The following SH3PXD2B variants were observed in gnomAD, a reference collection of about 807,000 sequenced individuals.
SH3PXD2B encodes SH3 and PX domain-containing protein 2B.
In SH3PXD2B, 37 loss-of-function variants were observed where a neutral mutation model predicts 73.1. The ratio of observed to expected loss-of-function variants is 0.51; its 90% CI spans 0.39 to 0.67. The LOEUF (loss-of-function observed/expected upper bound fraction) is 0.67, where lower values mean the gene tolerates loss of function less well. SH3PXD2B is among the 30% of genes least tolerant of loss of function. SH3PXD2B has a pLI of 0.00. For missense variants in SH3PXD2B, 1,053 were observed against 1,197.8 expected (o/e 0.88, Z 1.78); for synonymous variants, 457 against 480.5 (o/e 0.95, Z 0.64).
rs947980244 is a variant in SH3PXD2B at position 172,363,176 on chromosome 5, G to GTCCA, written c.428-311_428-308dup. 2.8e-4 allele frequency among the ~76,000 whole-genome samples: 42 copies of GTCCA among 152,034 alleles called. No homozygotes were observed. In the South Asian group the frequency reaches 4.4e-3, roughly 16 times the overall value. Reference sequence around the variant, plus strand: ...TACTTAGCCATCCCTCCATCCATCTGTCCATCCATCCATCCATCCATCCTC... The same window carrying GTCCA: ...TACTTAGCCATCCCTCCATCCATCTGTCCATCCATCCATCCATCCATCCATCCTC... On this transcript the variant is annotated intron_variant, in intron 6 of 12. Transcript: ENST00000311601.
intron 3 of SH3PXD2B, among the ~76,000 whole-genome samples, chr5:172,400,832 T>A (rs1758406942): frequency 6.6e-6 from 1 of 152,234 alleles, no homozygotes; most frequent in Non-Finnish European, 1.5e-5. Context: ...TAATGTTGGT[T>A]CGGGCTCGAG....
In SH3PXD2B at chr5:172,336,208, T is replaced by G. The variant is rs530910191; in HGVS notation, c.*2161A>C. On this transcript the variant is annotated 3_prime_UTR_variant, in exon 13 of 13. Coordinates refer to ENST00000311601, the MANE Select transcript of SH3PXD2B (RefSeq NM_001017995.3). ...AAAGAGCAAATCAGAAAAAAACATG[T>G]GTTTTGTCTTTTGAAATGCAGTCAA... 1.0e-6 allele frequency: 1 copy of G among 985,552 alleles called. No homozygotes were observed. The highest frequency in any genetic ancestry group is 4.7e-5 in the South Asian group (1 of 21,288). The allele number at this position is 985,552 out of a possible 1,614,324, so 61.1% of individuals were successfully genotyped here.
chr5:172,379,543 T>C lies in SH3PXD2B; in HGVS notation c.401+2493A>G, dbSNP rs139755707. 5.3e-5 allele frequency among the ~76,000 whole-genome samples: 8 copies of C among 152,278 alleles called. No homozygotes were observed. The East Asian group carries it at 1.5e-3, about 29-fold the overall frequency. ...TAGCAGGTGGAACAGACTAAGACAG[T>C]AGTCAGGCAATTTTCCCTGCTGAGG... On this transcript the variant is annotated intron_variant, in intron 5 of 12. Coordinates refer to ENST00000311601, the MANE Select transcript of SH3PXD2B (RefSeq NM_001017995.3).
At chr5:172,350,626 G>A (rs574795295) in intron 9 of SH3PXD2B, 37 bp from the exon 10 acceptor site, 40 of 1,553,740 alleles carry the variant, frequency 2.6e-5, no homozygotes, top group East Asian at 9.6e-5. Flanking sequence ...AAACTGCTCC[G>A]CCAGGCCCAA....
At chr5:172,405,120 T>C (rs1758522703) in intron 3 of SH3PXD2B, among the ~76,000 whole-genome samples, 1 of 152,260 alleles carries the variant, frequency 6.6e-6, no homozygotes, top group Non-Finnish European at 1.5e-5. Flanking sequence ...GAAGCCGTGA[T>C]AGTATTCTTT....
At chr5:172,411,627 G>A in intron 2 of SH3PXD2B, among the ~76,000 whole-genome samples, 1 of 152,210 alleles carries the variant, frequency 6.6e-6, no homozygotes. Flanking sequence ...GCAGGATGAG[G>A]GACGCAGCCT....
chr5:172,392,697 A>T (rs1486391611), intron 4 of SH3PXD2B, among the ~76,000 whole-genome samples: 1 of 152,150 alleles, frequency 6.6e-6, no homozygotes, highest in Non-Finnish European at 1.5e-5. Flanking sequence ...AGGCAGGAGA[A>T]TCCCTTGAAC....
chr5:172,345,201 C>G (rs1233952007), intron 12 of SH3PXD2B, among the ~76,000 whole-genome samples: 1 of 151,514 alleles, frequency 6.6e-6, no homozygotes, highest in Non-Finnish European at 1.5e-5. Context: ...AAGGGAGGGG[C>G]CCTAAAGAGG....
chr5:172,433,123 A>G (rs1759293172), intron 1 of SH3PXD2B, among the ~76,000 whole-genome samples: 1 of 151,390 alleles, frequency 6.6e-6, no homozygotes, highest in Non-Finnish European at 1.5e-5. Flanking sequence ...GTATTTGTAT[A>G]TTCTAGTCAA....
chr5:172,347,076 C>T (rs1489584315), intron 11 of SH3PXD2B, among the ~76,000 whole-genome samples: 3 of 152,172 alleles, frequency 2.0e-5, no homozygotes, highest in Non-Finnish European at 4.4e-5. Context: ...AGCACTCTGG[C>T]CCCGCGGGCA....
At chr5:172,359,402 A>AAAAAAAG (rs2113312977) in intron 7 of SH3PXD2B, among the ~76,000 whole-genome samples, 1 of 151,436 alleles carries the variant, frequency 6.6e-6, no homozygotes, top group South Asian at 2.2e-4. Flanking sequence ...AAAAAAAAAA[A>AAAAAAAG]AAAAAGTATA....
chr5:172,431,479 G>C (rs1759238233), intron 1 of SH3PXD2B, among the ~76,000 whole-genome samples: 1 of 152,192 alleles, frequency 6.6e-6, no homozygotes, highest in Non-Finnish European at 1.5e-5. Context: ...CGCACAACAG[G>C]GGCCTGGGCC....
intron 6 of SH3PXD2B, among the ~76,000 whole-genome samples, chr5:172,371,727 C>T (rs956305113): frequency 6.6e-6 from 1 of 152,170 alleles, no homozygotes; most frequent in Non-Finnish European, 1.5e-5. Context: ...TCATCAAGCC[C>T]GTTCCGACTG....
At chr5:172,345,133 G>A (rs1273717718) in intron 12 of SH3PXD2B, among the ~76,000 whole-genome samples, 2 of 147,044 alleles carry the variant, frequency 1.4e-5, no homozygotes, top group East Asian at 1.9e-4. Context: ...AGGGAAGGAA[G>A]GAATGAAGGC....
chr5:172,432,340 G>T (rs1432874120), intron 1 of SH3PXD2B, among the ~76,000 whole-genome samples: 2 of 152,168 alleles, frequency 1.3e-5, no homozygotes, highest in Non-Finnish European at 2.9e-5. Context: ...CACAGCATTT[G>T]TGGGCCATAC....
chr5:172,332,542 G>T (rs993748126), downstream of SH3PXD2B, among the ~76,000 whole-genome samples: 3 of 151,832 alleles, frequency 2.0e-5, no homozygotes, highest in African/African-American at 7.3e-5. Flanking sequence ...GGGATTACGG[G>T]TGAGCCACCA....
rs576827651 is a variant in SH3PXD2B, at chr5:172,335,917, AATC to A, written c.*2449_*2451del. 61 of 1,189,774 alleles carry A rather than the reference AATC, an allele frequency of 5.1e-5. No homozygotes were observed. Among genetic ancestry groups the A allele is most frequent in the Middle Eastern group, 3.4e-4 (1 of 2,976 alleles). 73.7% of individuals were successfully genotyped at this position (1,189,774 alleles called of 1,614,324 possible). On this transcript the variant is annotated 3_prime_UTR_variant, in exon 13 of 13. Transcript: ENST00000311601. ...CAGTACCCGCGGGTCATGTCAGAAT[AATC>A]ATCATCATCATAGCAAAAGAGAATG...
intron 4 of SH3PXD2B, among the ~76,000 whole-genome samples, chr5:172,387,895 T>C (rs1758092666): frequency 6.6e-6 from 1 of 152,038 alleles, no homozygotes; most frequent in South Asian, 2.1e-4. Flanking sequence ...CCTAATGTTA[T>C]CTCCTAAAAC....
rs1561896633 is a variant in SH3PXD2B at position 172,348,659 on chromosome 5, C to CTATG, written c.1013-1328_1013-1327insCATA. Among the ~76,000 whole-genome samples the CTATG allele has an allele frequency of 9.3e-5, 10 of 107,784 alleles. 1 individual carries two copies. Among genetic ancestry groups the CTATG allele is most frequent in the African/African-American group, 2.9e-4 (9 of 30,646 alleles). 70.7% of individuals were successfully genotyped at this position (107,784 alleles called of 152,430 possible). Reference sequence around the variant, plus strand: ...CTATGTATCTATCTATCTATCCTATCTATCTATCTATCTATCTATCTATCT... The same window carrying CTATG: ...CTATGTATCTATCTATCTATCCTATCTATGTATCTATCTATCTATCTATCTATCT... On this transcript the variant is annotated intron_variant, in intron 10 of 12. Coordinates refer to ENST00000311601, the MANE Select transcript of SH3PXD2B (RefSeq NM_001017995.3).
Sources: allele counts gnomAD v4.1 joint callset (sites outside exome capture counted in the v4.1 genomes callset), GRCh38; gene constraint gnomAD v4.1.1; transcripts MANE v1.5; gene names NCBI Gene and HGNC (gene_info 2026-07-23, HGNC 2026-07-21).